The following MAP4K3 variants were observed in gnomAD, a reference collection of about 807,000 sequenced individuals.
MAP4K3 encodes mitogen-activated protein kinase kinase kinase kinase 3.
A neutral mutation model predicts 143.5 loss-of-function variants in MAP4K3; 94 were observed. The observed-to-expected ratio is 0.65, with a 90% CI of 0.55 to 0.78. The LOEUF (loss-of-function observed/expected upper bound fraction) is 0.78, where lower values mean the gene tolerates loss of function less well. MAP4K3 is among the 30% of genes least tolerant of loss of function. MAP4K3 has a pLI of 0.00. For synonymous variants in MAP4K3, 416 were observed against 347.2 expected, an observed-to-expected ratio of 1.20 and a Z score of -2.20; for missense variants, 1,077 against 1,068.1, an observed-to-expected ratio of 1.01 and a Z score of -0.12.
intron 22 of MAP4K3, 102 bp from the exon 23 acceptor site, chr2:39,280,458 G>C (rs1484667891): frequency 1.2e-5 from 6 of 496,660 alleles, no homozygotes; most frequent in Non-Finnish European, 2.1e-5. Context: ...TCTATAGATA[G>C]TATACTGAAA....
intron 2 of MAP4K3, among the ~76,000 whole-genome samples, chr2:39,357,193 C>T (rs1665636914): frequency 2.0e-5 from 3 of 152,212 alleles, no homozygotes; most frequent in South Asian, 2.1e-4. Context: ...TGAATGAACA[C>T]TTGTCATGGA....
chr2:39,385,583 T>TATATATATATAC (rs1553422496), intron 1 of MAP4K3, among the ~76,000 whole-genome samples: 7 of 77,248 alleles, frequency 9.1e-5, no homozygotes, highest in African/African-American at 2.5e-4. Flanking sequence ...TATATATATA[T>TATATATATATAC]ATATATATAT....
chr2:39,304,440 G>A (rs1051923278), intron 15 of MAP4K3, among the ~76,000 whole-genome samples: 2 of 152,162 alleles, frequency 1.3e-5, no homozygotes, highest in African/African-American at 4.8e-5. Context: ...TGTAAGAGAT[G>A]AAATCTTGTT....
intron 1 of MAP4K3, among the ~76,000 whole-genome samples, chr2:39,432,445 T>A (rs1665319844): frequency 6.6e-6 from 1 of 152,210 alleles, no homozygotes; most frequent in Admixed American, 6.5e-5. Flanking sequence ...CTTCAAATGA[T>A]CTTTCTGAAG....
rs1193737954 is a variant in MAP4K3, at chr2:39,416,002, TATAA to T, written c.96+20886_96+20889del. 4.3e-4 allele frequency among the ~76,000 whole-genome samples: 39 copies of T among 91,144 alleles called. 1 individual carries two copies. The highest frequency in any genetic ancestry group is 1.6e-3 in the African/African-American group (35 of 21,390). 59.8% of individuals were successfully genotyped at this position (91,144 alleles called of 152,430 possible). A position where few individuals can be genotyped will look rare whatever the true frequency, so the allele number is the denominator to read the frequency against. ...AAAAATATATATATATATATATATA[TATAA>T]AAATAACATTTGGAAGAATAAATTC... On this transcript the variant is annotated intron_variant, in intron 1 of 33. Coordinates refer to ENST00000263881, the MANE Select transcript of MAP4K3 (RefSeq NM_003618.4).
chr2:39,381,043 T>C lies in MAP4K3; in HGVS notation c.97-2920A>G, dbSNP rs1367615339. ...TCTCTATGGATTTGACTATTATAAATATTTCATGTAAATGGGATCAAATAA... is the reference window on the plus strand; with the variant it reads ...TCTCTATGGATTTGACTATTATAAACATTTCATGTAAATGGGATCAAATAA... On this transcript the variant is annotated intron_variant, in intron 1 of 33. Coordinates refer to ENST00000263881, the MANE Select transcript of MAP4K3 (RefSeq NM_003618.4). Among the ~76,000 whole-genome samples the C allele has an allele frequency of 2.6e-5, 4 of 152,192 alleles. No individual in the cohort carries two copies. In the South Asian group the frequency reaches 6.2e-4, roughly 24 times the overall value.
intron 28 of MAP4K3, among the ~76,000 whole-genome samples, chr2:39,263,716 G>C (rs752570345): frequency 3.3e-5 from 5 of 152,170 alleles, no homozygotes; most frequent in South Asian, 2.1e-4. Context: ...CCTGCAAGTA[G>C]TATTGTACTA....
In MAP4K3 at chr2:39,436,831, C is replaced by T. The variant is rs1572525914; in HGVS notation, c.96+61G>A. 6 of 1,466,880 alleles carry T rather than the reference C, an allele frequency of 4.1e-6. No homozygotes were observed. In the African/African-American group the frequency reaches 5.6e-5, roughly 14 times the overall value. 90.9% of individuals were successfully genotyped at this position (1,466,880 alleles called of 1,614,324 possible). On this transcript the variant is annotated intron_variant, in intron 1 of 33. Coordinates refer to ENST00000263881, the MANE Select transcript of MAP4K3 (RefSeq NM_003618.4). ...AGGACAGGCGGCAAGGGCTCGGACG[C>T]CCAGGCTTGGCTGCGGGTCGGGATC... is the stretch of plus-strand genomic sequence containing the variant.
At chr2:39,398,713 A>AAATAATAATAATAATAATAAT (rs60507971) in intron 1 of MAP4K3, among the ~76,000 whole-genome samples, 1 of 140,434 alleles carries the variant, frequency 7.1e-6, no homozygotes, top group African/African-American at 2.7e-5. Context: ...GGAATAATTA[A>AAATAATAATAATAATAATAAT]AATAATAATA....
Position 39,331,235 on chromosome 2 carries a change from A to G in MAP4K3, c.530+682T>C, listed in dbSNP as rs1212275784. ...GGTGCTGTTACTTCAAAGTAATGAT[A>G]TGAACAAAAAAAGCTCTATACCAAT... is the stretch of plus-strand genomic sequence containing the variant. On this transcript the variant is annotated intron_variant, in intron 8 of 33. Transcript: ENST00000263881. Among the ~76,000 whole-genome samples the G allele has an allele frequency of 2.6e-5, 4 of 152,156 alleles. No homozygotes were observed. In the East Asian group the frequency reaches 7.7e-4, roughly 29 times the overall value.
At chr2:39,355,107 GTAA>G in intron 3 of MAP4K3, among the ~76,000 whole-genome samples, 1 of 152,178 alleles carries the variant, frequency 6.6e-6, no homozygotes, top group Non-Finnish European at 1.5e-5. Context: ...GCTCACGCCT[GTAA>G]TCCCGGCACT....
At chr2:39,420,107 C>T (rs995953409) in intron 1 of MAP4K3, among the ~76,000 whole-genome samples, 1 of 152,186 alleles carries the variant, frequency 6.6e-6, no homozygotes, top group Non-Finnish European at 1.5e-5. Flanking sequence ...TCTAAGTCAC[C>T]TATTCCTCTG....
At chr2:39,324,545 T>C (rs996637105) in intron 12 of MAP4K3, among the ~76,000 whole-genome samples, 3 of 152,222 alleles carry the variant, frequency 2.0e-5, no homozygotes, top group Admixed American at 6.5e-5. Flanking sequence ...TTATCTATCA[T>C]AAGATGGCAA....
At chr2:39,284,472 C>T (rs997062067) in intron 21 of MAP4K3, among the ~76,000 whole-genome samples, 5 of 151,966 alleles carry the variant, frequency 3.3e-5, no homozygotes, top group Admixed American at 2.0e-4. Flanking sequence ...AGCAAAACAT[C>T]ATTTTAAATT....
intron 29 of MAP4K3, among the ~76,000 whole-genome samples, chr2:39,260,301 A>G (rs1298894537): frequency 1.3e-5 from 2 of 151,968 alleles, no homozygotes; most frequent in African/African-American, 4.8e-5. Flanking sequence ...ATTTTTTTAG[A>G]GACAGGGTCT....
At chr2:39,349,644 G>A (rs1665394156) in intron 3 of MAP4K3, among the ~76,000 whole-genome samples, 1 of 151,882 alleles carries the variant, frequency 6.6e-6, no homozygotes, top group African/African-American at 2.4e-5. Flanking sequence ...GAGAAGGGAA[G>A]AGAAGGGAGA....
At chr2:39,306,638 G>A (rs1338839135) in intron 15 of MAP4K3, among the ~76,000 whole-genome samples, 5 of 151,998 alleles carry the variant, frequency 3.3e-5, no homozygotes, top group Non-Finnish European at 7.4e-5. Context: ...TTTTTTTAAA[G>A]GAATCCGAGA....
intron 22 of MAP4K3, among the ~76,000 whole-genome samples, chr2:39,280,975 T>A (rs1450930245): frequency 2.0e-5 from 3 of 152,214 alleles, no homozygotes; most frequent in African/African-American, 7.2e-5. Flanking sequence ...ACTTTTCAGA[T>A]AATAAATATA....
intron 1 of MAP4K3, among the ~76,000 whole-genome samples, chr2:39,383,159 T>C (rs1378332154): frequency 6.6e-6 from 1 of 152,204 alleles, no homozygotes; most frequent in Admixed American, 6.5e-5. Context: ...TTTGTTCTCA[T>C]GCTGCTTTAA....
Sources: allele counts gnomAD v4.1 joint callset (sites outside exome capture counted in the v4.1 genomes callset), GRCh38; gene constraint gnomAD v4.1.1; transcripts MANE v1.5; gene names NCBI Gene and HGNC (gene_info 2026-07-23, HGNC 2026-07-21).